NPAT: variants seen among roughly 807,000 people sequenced by gnomAD.
NPAT encodes protein NPAT.
Under a neutral mutation model 130.7 loss-of-function variants are expected in NPAT, and 52 were observed. The observed-to-expected ratio is 0.40, with a 90% CI of 0.32 to 0.50. NPAT has a LOEUF of 0.50. NPAT is among the 20% of genes least tolerant of loss of function. NPAT has a pLI of 0.68. For synonymous variants in NPAT, 580 were observed against 584.8 expected (o/e 0.99, Z 0.12); for missense variants, 1,687 against 1,662.6 (o/e 1.01, Z -0.26).
Position 108,158,481 on chromosome 11 carries a change from GT to G in NPAT, c.*460del, listed in dbSNP as rs1329202981. 1.3e-5 allele frequency: 2 copies of G among 156,044 alleles called. No homozygotes were observed. Among genetic ancestry groups the G allele is most frequent in the African/African-American group, 4.8e-5 (2 of 41,448 alleles). 9.7% of individuals were successfully genotyped at this position (156,044 alleles called of 1,614,324 possible). On this transcript the variant is annotated 3_prime_UTR_variant, in exon 18 of 18. Coordinates refer to ENST00000278612, the MANE Select transcript of NPAT (RefSeq NM_002519.3). ...TTATTTTGTAGTACTTAGTGATTGT[GT>G]ATTTAAATGTCTTATTGAATAGTTA...
At position 108,172,973 on chromosome 11, in the gene NPAT, T is replaced by C. The variant is rs761056777; in HGVS notation, c.2011A>G (p.Thr671Ala). ...EPSSSVKEEN[T>A]IFLSLGGNAN... is the part of the protein sequence containing the mutation. ...TTTCCACCTAAAGAGAGAAAAATAG[T>C]ATTCTCTTCTTTTACAGAAGATGAA... The change falls in exon 13 of 18, where the codon ACT becomes GCT. Residue 671 changes from threonine to alanine, a missense_variant. Around this residue, in one of 3 missense-constraint regions of NPAT, gnomAD observed 1,379 missense variants for 1,346.6 expected, o/e 1.02. Transcript: ENST00000278612. The C allele has an allele frequency of 5.6e-6, 9 of 1,614,014 alleles. No homozygotes were observed. In the Admixed American group the frequency reaches 1.5e-4, roughly 27 times the overall value.
intron 7 of NPAT, among the ~76,000 whole-genome samples, chr11:108,187,349 G>A (rs1214741749): frequency 6.6e-6 from 1 of 152,154 alleles, no homozygotes; most frequent in Non-Finnish European, 1.5e-5. Flanking sequence ...CTACTGGGGA[G>A]GCTAAGGTGG....
intron 1 of NPAT, among the ~76,000 whole-genome samples, chr11:108,201,764 A>C (rs1591411354): frequency 6.6e-6 from 1 of 152,214 alleles, no homozygotes; most frequent in East Asian, 1.9e-4. Context: ...TCAAATATTA[A>C]GCTGTGCTAT....
rs1286688469 is a variant in NPAT at position 108,185,499 on chromosome 11, A to G, written c.727-5T>C. 2 of 1,583,786 alleles carry G rather than the reference A, an allele frequency of 1.3e-6. No homozygotes were observed. Among genetic ancestry groups the G allele is most frequent in the South Asian group, 1.1e-5 (1 of 90,268 alleles). ...TGCATTTTCAATAACCATTTGCTGG[A>G]AAAGAAAGCCACTGTTAGCAAAAGG... On this transcript the variant is annotated splice_region_variant and splice_polypyrimidine_tract_variant and intron_variant, in intron 8 of 17. Coordinates refer to ENST00000278612, the MANE Select transcript of NPAT (RefSeq NM_002519.3).
At position 108,195,696 on chromosome 11, in the gene NPAT, T is replaced by C. The variant is rs570002347; in HGVS notation, c.156+1606A>G. ...AGGCTGAAGTGCAGCCGTGCAGTTG[T>C]GGCTCACAACAGCCCTGACCTCCTG... On this transcript the variant is annotated intron_variant, in intron 2 of 17. Coordinates refer to ENST00000278612, the MANE Select transcript of NPAT (RefSeq NM_002519.3). Among the ~76,000 whole-genome samples, 6 of 152,292 alleles carry C rather than the reference T, an allele frequency of 3.9e-5. No individual in the cohort carries two copies. The South Asian group carries it at 1.2e-3, about 32-fold the overall frequency.
chr11:108,222,453 C>T (rs747022060), intron 1 of NPAT, 47 bp downstream of exon 1: 2 of 1,608,146 alleles, frequency 1.2e-6, no homozygotes, highest in Non-Finnish European at 1.7e-6. Context: ...GTCCTTCTGT[C>T]CAGCATAGCC....
intron 8 of NPAT, 88 bp from the exon 9 acceptor site, chr11:108,185,582 C>G (rs918265992): frequency 1.1e-6 from 1 of 907,708 alleles, no homozygotes; most frequent in South Asian, 1.5e-5. Context: ...CCGATAAGAG[C>G]TGGATAGTTT....
At position 108,189,441 on chromosome 11, in the gene NPAT, T is replaced by G. The variant is rs1413519512; in HGVS notation, c.332-111A>C. 8 of 865,574 alleles carry G rather than the reference T, an allele frequency of 9.2e-6. No individual in the cohort carries two copies. In the Middle Eastern group the frequency reaches 8.0e-4, roughly 86 times the overall value. The allele number at this position is 865,574 out of a possible 1,614,324, so 53.6% of individuals were successfully genotyped here. ...ATAACAACGTGTTACATCCACAGAT[T>G]GAAGAATGATTCCTAAATATATCAA... is the stretch of plus-strand genomic sequence containing the variant. On this transcript the variant is annotated intron_variant, in intron 5 of 17. Coordinates refer to ENST00000278612, the MANE Select transcript of NPAT (RefSeq NM_002519.3).
At chr11:108,189,597 G>A (rs61913702) in intron 5 of NPAT, among the ~76,000 whole-genome samples, 16,172 of 152,184 alleles carry the variant, frequency 0.11, 1,088 homozygotes, top group Middle Eastern at 0.29. Context: ...TTGGCCGGGC[G>A]CGGTGGCTCA....
In NPAT at chr11:108,161,731, T is replaced by C. The variant is rs1203374971; in HGVS notation, c.3355A>G (p.Lys1119Glu). The change falls in exon 17 of 18, where the codon AAA becomes GAA. Residue 1119 changes from lysine (K) to glutamate (E), a missense_variant. By Grantham distance (56) the Lys-to-Glu change is moderately conservative. Transcript: ENST00000278612. ...ATCTTAGGCAGAGGAGGCTTCTCTT[T>C]CTCTCTTTTGATAGCATTATTAGAA... The part of the protein sequence containing the change: ...PPSNNAIKRE[K>E]EKPPLPKILS... 6.2e-7 allele frequency: 1 copy of C among 1,613,862 alleles called. No homozygotes were observed. The highest frequency in any genetic ancestry group is 1.7e-5 in the Admixed American group (1 of 60,008).
At chr11:108,168,918 C>T (rs891320334) in intron 15 of NPAT, among the ~76,000 whole-genome samples, 18 of 152,086 alleles carry the variant, frequency 1.2e-4, no homozygotes, top group African/African-American at 3.9e-4. Context: ...AATGTATGCA[C>T]ATATGTCACC....
chr11:108,163,778 T>G (rs2077875508), intron 15 of NPAT, among the ~76,000 whole-genome samples: 1 of 152,170 alleles, frequency 6.6e-6, no homozygotes, highest in African/African-American at 2.4e-5. Context: ...ATGGAAAAGT[T>G]TCAATGCATA....
chr11:108,170,460 T>C (rs189763536), intron 13 of NPAT, among the ~76,000 whole-genome samples: 60 of 152,312 alleles, frequency 3.9e-4, no homozygotes, highest in Admixed American at 9.2e-4. Flanking sequence ...AACTGAATAT[T>C]TATACCCAGG....
intron 1 of NPAT, among the ~76,000 whole-genome samples, chr11:108,219,024 G>T (rs2078459411): frequency 6.6e-6 from 1 of 152,172 alleles, no homozygotes; most frequent in Admixed American, 6.5e-5. Context: ...CCTGTTAGGG[G>T]TGTGTCAGTT....
At chr11:108,212,200 T>C (rs1293340577) in intron 1 of NPAT, among the ~76,000 whole-genome samples, 1 of 152,026 alleles carries the variant, frequency 6.6e-6, no homozygotes, top group African/African-American at 2.4e-5. Context: ...ATGTATCCTC[T>C]AGCCAGGGCA....
intron 1 of NPAT, among the ~76,000 whole-genome samples, chr11:108,216,796 G>T (rs1003832256): frequency 2.0e-5 from 3 of 151,984 alleles, no homozygotes; most frequent in African/African-American, 7.3e-5. Flanking sequence ...GTAATATCTA[G>T]GATACATTAT....
intron 13 of NPAT, 123 bp from the exon 14 acceptor site, chr11:108,170,166 T>A: frequency 3.1e-6 from 2 of 641,556 alleles, no homozygotes; most frequent in East Asian, 3.1e-5. Context: ...CCCTCTTCCT[T>A]ACGATCCACT....
chr11:108,163,103 G>A (rs141518244), intron 15 of NPAT, among the ~76,000 whole-genome samples: 14,052 of 134,662 alleles, frequency 0.1, 986 homozygotes, highest in East Asian at 0.34. Flanking sequence ...TTTTTGAGAC[G>A]GAGTCTCGCT....
At position 108,172,811 on chromosome 11, in the gene NPAT, A is replaced by G. The variant is rs753116051; in HGVS notation, c.2173T>C (p.Ser725Pro). 6.3e-7 allele frequency: 1 copy of G among 1,577,554 alleles called. No homozygotes were observed. The highest frequency in any genetic ancestry group is 2.2e-5 in the East Asian group (1 of 44,878). Residue 725 changes from serine to proline, a missense_variant, in exon 13 of 18, where the codon TCT becomes CCT. Physicochemically the swap from Ser to Pro is moderately conservative, Grantham distance 74. Around this residue, in one of 3 missense-constraint regions of NPAT, gnomAD observed 1,379 missense variants for 1,346.6 expected, o/e 1.02. Coordinates refer to ENST00000278612, the MANE Select transcript of NPAT (RefSeq NM_002519.3). The part of the protein sequence containing the change: ...PESQNTDDKP[S>P]SNNSAEIDAS... ...TCTATCTCTGCTGAGTTGTTGCTAG[A>G]AGGTTTATCATCAGTATTTTGGGAC...
Sources: gnomAD v4.1 joint callset for allele counts (sites outside exome capture counted in the v4.1 genomes callset) on GRCh38, gnomAD v4.1.1 for gene constraint, gnomAD v4.1.1 regional missense constraint, MANE v1.5 for transcripts, NCBI Gene and HGNC (gene_info 2026-07-23, HGNC 2026-07-21) for gene names.